The following ZFP64 variants were observed in gnomAD, a reference collection of about 807,000 sequenced individuals.
ZFP64 encodes the protein zinc finger protein 64.
In ZFP64, 14 loss-of-function variants were observed where a neutral mutation model predicts 51.6. The ratio of observed to expected loss-of-function variants is 0.27; its 90% confidence interval spans 0.18 to 0.42. The LOEUF is 0.42. ZFP64 is among the 10% of genes least tolerant of loss of function. ZFP64 has a pLI of 1.00. For synonymous variants in ZFP64, 375 were observed against 361.4 expected (o/e 1.04, Z -0.43); for missense variants, 754 against 906.8 (o/e 0.83, Z 2.16).
At chr20:52,110,820 C>T in intron 5 of ZFP64, 1 of 1,599,224 alleles carries the variant, frequency 6.3e-7, no homozygotes, top group Non-Finnish European at 8.6e-7. Context: ...ATTTCTCACT[C>T]AGCTCCATGT....
intron 7 of ZFP64, chr20:52,089,012 T>C (rs2078893882): frequency 1.9e-6 from 1 of 524,146 alleles, no homozygotes; most frequent in Non-Finnish European, 3.8e-6. Flanking sequence ...TTCCTCTCAC[T>C]TCTTCCAAAC....
At chr20:52,088,528 G>A (rs761979267) in exon 8 of ZFP64, 6 of 1,614,080 alleles carry the variant, frequency 3.7e-6, no homozygotes, top group Admixed American at 1.7e-5. Flanking sequence ...CGGCAGCGTA[G>A]TCACACAGGT....
intron 5 of ZFP64, among the ~76,000 whole-genome samples, chr20:52,101,189 G>A (rs1292419119): frequency 6.6e-6 from 1 of 152,192 alleles, no homozygotes; most frequent in Non-Finnish European, 1.5e-5. Flanking sequence ...CTGGGGTTGA[G>A]AAAGTCTGCA....
chr20:52,153,121 G>C lies in ZFP64; in HGVS notation c.1071C>G (p.Ala357=). 2 of 1,614,224 alleles carry C rather than the reference G, an allele frequency of 1.2e-6. No individual in the cohort carries two copies. Among genetic ancestry groups the C allele is most frequent in the Non-Finnish European group, 1.7e-6 (2 of 1,180,044 alleles). The change falls in exon 6 of 6, where the codon GCC becomes GCG. Residue 357 remains alanine (A), a synonymous_variant. Coordinates refer to ENST00000216923, the MANE Select transcript of ZFP64 (RefSeq NM_018197.3). This position sits in a 1 kb window ranked among gnomAD's most constrained non-coding sequence, Gnocchi z 5.1. Reference sequence around the variant, plus strand: ...AGTGGATACGCTCGTGGATGCGCAGGGCGGCCTTGCTGGAGCAGGAGTAGC... The same window carrying C: ...AGTGGATACGCTCGTGGATGCGCAGCGCGGCCTTGCTGGAGCAGGAGTAGC... ...ECSYSCSSKA[A]LRIHERIHCT...
Position 52,173,163 on chromosome 20 carries a change from C to T in ZFP64, c.287-7138G>A, listed in dbSNP as rs570588729. On this transcript the variant is annotated intron_variant, in intron 2 of 5. Transcript: ENST00000216923. The stretch of plus-strand genomic sequence containing the variant: ...ATCTCCCTATCTAATTTGCTTCCCC[C>T]TTCCCTTCTTCAACTTAAAAATTCC... Among the ~76,000 whole-genome samples the T allele has an allele frequency of 5.3e-5, 8 of 152,294 alleles. No homozygotes were observed. In the South Asian group the frequency reaches 1.7e-3, roughly 32 times the overall value.
At chr20:52,104,222 C>A (rs1455687627) in intron 5 of ZFP64, among the ~76,000 whole-genome samples, 2 of 152,254 alleles carry the variant, frequency 1.3e-5, no homozygotes, top group Non-Finnish European at 2.9e-5. Flanking sequence ...CCCAACCCCA[C>A]CCCTGAGATT....
Position 52,085,041 on chromosome 20 carries a change from T to C in ZFP64, c.1454A>G (p.His485Arg), listed in dbSNP as rs1687045293. The change falls in exon 9 of 9, where the codon CAC (histidine) becomes CGC (arginine). Residue 485 changes from histidine to arginine, a missense_variant. By Grantham distance (29) the His-to-Arg change is conservative (BLOSUM62 0). Coordinates refer to the ZFP64 transcript ENST00000361387. This position sits in a 1 kb window ranked among gnomAD's most constrained non-coding sequence, Gnocchi z 4.3. ...GTGGTCGGCCTGGTGCAGCCGGCTG[T>C]GCTCCAGGAGGTCAGCCCGGTCCCG... is the stretch of plus-strand genomic sequence containing the variant. The C allele has an allele frequency of 6.2e-7, 1 of 1,614,134 alleles. No homozygotes were observed. The highest frequency in any genetic ancestry group is 1.3e-5 in the African/African-American group (1 of 75,078).
At chr20:52,107,782 C>T (rs898975562) in intron 5 of ZFP64, among the ~76,000 whole-genome samples, 17 of 152,334 alleles carry the variant, frequency 1.1e-4, no homozygotes, top group Middle Eastern at 3.4e-3. Flanking sequence ...GGCAATTGGG[C>T]CTTTGCCAGG....
exon 9 of ZFP64, chr20:52,084,391 GCTTTC>G (rs1463190738): frequency 3.1e-6 from 2 of 649,208 alleles, no homozygotes; most frequent in South Asian, 2.1e-5. Flanking sequence ...GCTTTGCTTT[GCTTTC>G]GTCACTGTCG....
At chr20:52,125,090 A>AAGGGCT (rs1979385849) in intron 5 of ZFP64, among the ~76,000 whole-genome samples, 1 of 152,216 alleles carries the variant, frequency 6.6e-6, no homozygotes, top group Non-Finnish European at 1.5e-5. Flanking sequence ...TTACAAGGGC[A>AAGGGCT]AGGGCTGAGC....
At chr20:52,189,140 G>A (rs908900761) in intron 1 of ZFP64, among the ~76,000 whole-genome samples, 6 of 151,868 alleles carry the variant, frequency 4.0e-5, no homozygotes, top group South Asian at 2.1e-4. Flanking sequence ...GATGGCTCAC[G>A]CCTGTAACCC....
intron 4 of ZFP64, among the ~76,000 whole-genome samples, chr20:52,162,214 C>G (rs973426849): frequency 6.6e-6 from 1 of 151,806 alleles, no homozygotes; most frequent in African/African-American, 2.4e-5. Flanking sequence ...AGGAGAATCA[C>G]TTGAACTCGG....
At chr20:52,100,740 A>G (rs2079041736) in intron 5 of ZFP64, among the ~76,000 whole-genome samples, 1 of 152,204 alleles carries the variant, frequency 6.6e-6, no homozygotes, top group African/African-American at 2.4e-5. Context: ...TTGCTCAGCT[A>G]TGTGCTGTGC....
At chr20:52,084,880 C>A (rs1371541518) in exon 9 of ZFP64, 8 of 1,613,736 alleles carry the variant, frequency 5.0e-6, no homozygotes, top group Non-Finnish European at 6.8e-6. Context: ...ACGTGCTTGG[C>A]CAGGCTGCTG....
At chr20:52,098,651 A>G (rs991928246) in intron 5 of ZFP64, 1 of 1,602,486 alleles carries the variant, frequency 6.2e-7, no homozygotes, top group Non-Finnish European at 8.5e-7. Flanking sequence ...GTCTTAGAAT[A>G]CAGTAGGTTT....
chr20:52,113,834 G>T (rs186237352), intron 5 of ZFP64, among the ~76,000 whole-genome samples: 1 of 152,280 alleles, frequency 6.6e-6, no homozygotes, highest in Non-Finnish European at 1.5e-5. Flanking sequence ...GGGATTCAGA[G>T]AAGTAACCAG....
intron 5 of ZFP64, among the ~76,000 whole-genome samples, chr20:52,100,494 T>A (rs1488901604): frequency 1.3e-5 from 2 of 152,054 alleles, no homozygotes; most frequent in South Asian, 2.1e-4. Flanking sequence ...GATCCGCCCA[T>A]CTCAGCCTCC....
At chr20:52,116,174 C>T (rs1342451445) in intron 5 of ZFP64, among the ~76,000 whole-genome samples, 3 of 148,604 alleles carry the variant, frequency 2.0e-5, no homozygotes, top group South Asian at 2.1e-4. Context: ...CTCGCTCTGT[C>T]ACCCAGGCTG....
At chr20:52,172,728 A>G (rs1982858917) in intron 2 of ZFP64, among the ~76,000 whole-genome samples, 1 of 151,174 alleles carries the variant, frequency 6.6e-6, no homozygotes, top group African/African-American at 2.4e-5. Context: ...AACTTTTTGC[A>G]AGAGCTCAGG....
Sources: allele counts gnomAD v4.1 joint callset (sites outside exome capture counted in the v4.1 genomes callset), GRCh38; gene constraint gnomAD v4.1.1; non-coding constraint Gnocchi (gnomAD v3.1); transcripts MANE v1.5; gene names NCBI Gene and HGNC (gene_info 2026-07-23, HGNC 2026-07-21).